Variants in FAM162A observed in about 807,000 individuals in gnomAD.
FAM162A encodes protein FAM162A.
FAM162A carries 23 observed loss-of-function variants against 21.8 expected under a neutral mutation model. The ratio of observed to expected loss-of-function variants is 1.05; its 90% CI spans 0.76 to 1.49. The LOEUF is 1.49. Ranked by LOEUF, FAM162A falls within the 40% of genes most tolerant of loss-of-function variation. The probability of loss-of-function intolerance (pLI) is 0.00; values close to 1 mark genes in which losing one functional copy is unlikely to be tolerated. For synonymous variants in FAM162A, 53 were observed against 61.3 expected, an observed-to-expected ratio of 0.86 and a Z score of 0.64; for missense variants, 165 against 186.4, an observed-to-expected ratio of 0.89 and a Z score of 0.67.
Position 122,384,272 on chromosome 3 carries a change from A to C in FAM162A, c.7A>C (p.Ser3Arg). The change falls in exon 1 of 5, where the codon AGC (serine) becomes CGC (arginine). Residue 3 changes from serine (S) to arginine (R), a missense_variant. Coordinates refer to ENST00000477892, the MANE Select transcript of FAM162A (RefSeq NM_014367.4). ...GGCGGAGTAGCAAGTGGCCATGGGGAGCCTCAGCGGTCTGCGCCTGGCAGC... is the reference window on the plus strand; with the variant it reads ...GGCGGAGTAGCAAGTGGCCATGGGGCGCCTCAGCGGTCTGCGCCTGGCAGC... MG[S>R]LSGLRLAAGS... The C allele has an allele frequency of 1.3e-6, 2 of 1,577,594 alleles. No individual in the cohort carries two copies. The highest frequency in any genetic ancestry group is 2.3e-5 in the East Asian group (1 of 42,926).
At chr3:122,392,571 C>T (rs1019549848) in intron 1 of FAM162A, among the ~76,000 whole-genome samples, 2 of 152,190 alleles carry the variant, frequency 1.3e-5, no homozygotes, top group African/African-American at 4.8e-5. Context: ...AGCAGCATCA[C>T]CTAGGAACTT....
intron 3 of FAM162A, among the ~76,000 whole-genome samples, chr3:122,404,765 G>A (rs1209844972): frequency 1.3e-5 from 2 of 152,182 alleles, no homozygotes. Flanking sequence ...GCAATATTCT[G>A]GAATTCAGGA....
rs369827177 is a variant in FAM162A, at chr3:122,409,589, G to A, written c.373-150G>A. On this transcript the variant is annotated intron_variant, in intron 4 of 4. Coordinates refer to ENST00000477892, the MANE Select transcript of FAM162A (RefSeq NM_014367.4). ...CTTGGAAGCGTACGAGGAAGTTGAA[G>A]CACATAGAGGAAACTGCCGTGCTCA... The A allele has an allele frequency of 5.4e-5, 36 of 666,752 alleles. No homozygotes were observed. The South Asian group carries it at 6.5e-4, about 12-fold the overall frequency. The allele number at this position is 666,752 out of a possible 1,614,324, so 41.3% of individuals were successfully genotyped here.
intron 1 of FAM162A, among the ~76,000 whole-genome samples, chr3:122,392,401 T>C (rs1163576970): frequency 1.3e-5 from 2 of 152,210 alleles, no homozygotes; most frequent in Non-Finnish European, 2.9e-5. Flanking sequence ...GTCCTGGAGA[T>C]GGATAGTAGT....
rs1210661391 is a variant in FAM162A, at chr3:122,412,080, CTG to C, written c.*2250_*2251del. On this transcript the variant is annotated 3_prime_UTR_variant, in exon 5 of 5. Transcript: ENST00000477892. Reference sequence around the variant, plus strand: ...CAGCACTCCTACCCTACTAGTAACTCTGATATCTCATAGTCCTCAGATTTATC... The same window carrying C: ...CAGCACTCCTACCCTACTAGTAACTCATATCTCATAGTCCTCAGATTTATC... 6.6e-6 allele frequency: 1 copy of C among 152,202 alleles called. No individual in the cohort carries two copies. The highest frequency in any genetic ancestry group is 6.5e-5 in the Admixed American group (1 of 15,282). The allele number at this position is 152,202 out of a possible 1,614,324, so 9.4% of individuals were successfully genotyped here.
intron 1 of FAM162A, 145 bp from the exon 2 acceptor site, chr3:122,402,615 C>A: frequency 1.7e-6 from 1 of 580,688 alleles, no homozygotes; most frequent in Non-Finnish European, 2.7e-6. Flanking sequence ...TTTAAATATA[C>A]TATGTGTATC....
chr3:122,402,975 A>G lies in FAM162A; in HGVS notation c.157+93A>G, dbSNP rs1576252036. The G allele has an allele frequency of 8.1e-6, 11 of 1,359,984 alleles. No homozygotes were observed. The South Asian group carries it at 1.6e-4, about 20-fold the overall frequency. The allele number at this position is 1,359,984 out of a possible 1,614,324, so 84.2% of individuals were successfully genotyped here. ...AGAACCCAAAAGAGAAGAGGTTCCT[A>G]TATCATACCCTCCCATGTAGAGAGA... On this transcript the variant is annotated intron_variant, in intron 2 of 4. Coordinates refer to ENST00000477892, the MANE Select transcript of FAM162A (RefSeq NM_014367.4).
chr3:122,397,076 TTAAAA>T (rs1463487659), intron 1 of FAM162A, among the ~76,000 whole-genome samples: 1 of 152,212 alleles, frequency 6.6e-6, no homozygotes, highest in African/African-American at 2.4e-5. Context: ...ATTTCACACT[TTAAAA>T]GTGAGTTTTA....
At chr3:122,404,949 T>C (rs2075670419) in intron 3 of FAM162A, among the ~76,000 whole-genome samples, 1 of 152,204 alleles carries the variant, frequency 6.6e-6, no homozygotes, top group Admixed American at 6.5e-5. Flanking sequence ...GGGGGTGTCC[T>C]ATTTGTTGGA....
At chr3:122,407,567 G>T in intron 4 of FAM162A, 178 bp downstream of exon 4, 1 of 509,870 alleles carries the variant, frequency 2.0e-6, no homozygotes, top group South Asian at 3.6e-5. Flanking sequence ...TATCATCCTT[G>T]GGGATAGATA....
intron 1 of FAM162A, among the ~76,000 whole-genome samples, chr3:122,384,672 A>G (rs1576244663): frequency 6.6e-6 from 1 of 151,394 alleles, no homozygotes; most frequent in Admixed American, 6.6e-5. Flanking sequence ...TCCCCTATCT[A>G]TTGCTCTCCT....
At chr3:122,391,187 A>T (rs1382180176) in intron 1 of FAM162A, among the ~76,000 whole-genome samples, 1 of 152,198 alleles carries the variant, frequency 6.6e-6, no homozygotes, top group Non-Finnish European at 1.5e-5. Flanking sequence ...TTTAAAATTT[A>T]AAATTTTATT....
At position 122,409,920 on chromosome 3, in the gene FAM162A, T is replaced by C. The variant is rs778197546; in HGVS notation, c.*89T>C. On this transcript the variant is annotated 3_prime_UTR_variant, in exon 5 of 5. Transcript: ENST00000477892. Reference sequence around the variant, plus strand: ...AAAAAGGATGTGGTATGAGGATCCATTTCATAAAGTATGATTTGCCCAAAC... The same window carrying C: ...AAAAAGGATGTGGTATGAGGATCCACTTCATAAAGTATGATTTGCCCAAAC... The C allele has an allele frequency of 7.2e-6, 8 of 1,117,160 alleles. No individual in the cohort carries two copies. The highest frequency in any genetic ancestry group is 1.1e-5 in the Non-Finnish European group (8 of 737,838). The allele number at this position is 1,117,160 out of a possible 1,614,324, so 69.2% of individuals were successfully genotyped here.
chr3:122,394,510 C>A (rs1332363883), intron 1 of FAM162A, among the ~76,000 whole-genome samples: 6 of 152,098 alleles, frequency 3.9e-5, no homozygotes, highest in Admixed American at 3.9e-4. Flanking sequence ...AGACTATGAA[C>A]AACTCTATGG....
intron 1 of FAM162A, among the ~76,000 whole-genome samples, chr3:122,385,477 G>A (rs985714970): frequency 1.5e-4 from 23 of 152,184 alleles, no homozygotes. Context: ...AACAAGGCAA[G>A]TGAAAGGATC....
intron 1 of FAM162A, among the ~76,000 whole-genome samples, chr3:122,396,690 A>T (rs542712366): frequency 5.3e-5 from 8 of 152,344 alleles, no homozygotes; most frequent in African/African-American, 1.7e-4. Flanking sequence ...AATGTTTATA[A>T]CAGTATTATT....
chr3:122,399,657 C>G (rs1159068798), intron 1 of FAM162A, among the ~76,000 whole-genome samples: 1 of 152,178 alleles, frequency 6.6e-6, no homozygotes, highest in Admixed American at 6.5e-5. Flanking sequence ...AATGGCATTG[C>G]TGGGTCTAAT....
intron 1 of FAM162A, among the ~76,000 whole-genome samples, chr3:122,395,424 C>T (rs1576249038): frequency 1.3e-5 from 2 of 152,034 alleles, no homozygotes; most frequent in East Asian, 3.8e-4. Flanking sequence ...GATAAATGGG[C>T]AATAAATAAT....
In FAM162A at chr3:122,409,862, A is replaced by G; in HGVS notation, c.*31A>G. On this transcript the variant is annotated 3_prime_UTR_variant, in exon 5 of 5. Coordinates refer to ENST00000477892, the MANE Select transcript of FAM162A (RefSeq NM_014367.4). The stretch of plus-strand genomic sequence containing the variant: ...GTATCCGTGTTGGCTGGATTTTGAA[A>G]ATCCAGGAATTATGTTATAACGTGC... 3 of 1,579,870 alleles carry G rather than the reference A, an allele frequency of 1.9e-6. No homozygotes were observed. The highest frequency in any genetic ancestry group is 2.6e-6 in the Non-Finnish European group (3 of 1,148,908).
Sources: allele counts gnomAD v4.1 joint callset (sites outside exome capture counted in the v4.1 genomes callset), GRCh38; gene constraint gnomAD v4.1.1; transcripts MANE v1.5; gene names NCBI Gene and HGNC (gene_info 2026-07-23, HGNC 2026-07-21).